Variants in MYO19 observed in about 807,000 individuals in gnomAD.
MYO19 encodes myosin XIX, also known as unconventional myosin-XIX.
In MYO19, 132 loss-of-function variants were observed where a neutral mutation model predicts 129.2. The ratio of observed to expected loss-of-function variants is 1.02; its 90% CI spans 0.89 to 1.18. The LOEUF (loss-of-function observed/expected upper bound fraction) is 1.18, where lower values mean the gene tolerates loss of function less well. Ranked by LOEUF, MYO19 falls within the 50% of genes most tolerant of loss-of-function variation. MYO19 has a pLI of 0.00. For synonymous variants in MYO19, 531 were observed against 477.2 expected (o/e 1.11, Z -1.47); for missense variants, 1,210 against 1,216.7 (o/e 0.99, Z 0.08).
chr17:36,513,322 G>A lies in MYO19; in HGVS notation c.894+107C>T, dbSNP rs536517326. On this transcript the variant is annotated intron_variant, in intron 11 of 25. Transcript: ENST00000614623. ...TGGAGGTAGCACAGAAGGGCCCAAA[G>A]TCCTAGATCCTCAGGGAAAGACCAA... is the stretch of plus-strand genomic sequence containing the variant. The A allele has an allele frequency of 7.5e-6, 12 of 1,597,954 alleles. No individual in the cohort carries two copies. The South Asian group carries it at 1.4e-4, about 18-fold the overall frequency.
At chr17:36,538,362 A>G, upstream of MYO19, 1 of 1,614,190 alleles carries the variant, frequency 6.2e-7, no homozygotes, top group South Asian at 1.1e-5. Flanking sequence ...TGTTACAAAT[A>G]AAAAGCATTC....
upstream of MYO19, chr17:36,538,195 C>A (rs1445739810): frequency 1.9e-6 from 3 of 1,613,368 alleles, no homozygotes; most frequent in Non-Finnish European, 2.5e-6. Context: ...GAAGCAGTAT[C>A]TCGAAGAATG....
chr17:36,538,141 C>T (rs766839187), upstream of MYO19: 18 of 1,614,086 alleles, frequency 1.1e-5, no homozygotes, highest in Non-Finnish European at 1.4e-5. Context: ...TTACTGGCAG[C>T]TATTAGCCTC....
chr17:36,509,615 A>G (rs1370348641), intron 13 of MYO19: 2 of 185,928 alleles, frequency 1.1e-5, no homozygotes, highest in East Asian at 1.4e-4. Flanking sequence ...GAGGTCAACA[A>G]TGGCATCCTC....
intron 8 of MYO19, 104 bp from the exon 9 acceptor site, chr17:36,514,652 C>T (rs770139658): frequency 1.6e-5 from 12 of 739,104 alleles, no homozygotes; most frequent in Non-Finnish European, 2.9e-5. Flanking sequence ...AACTCCCCGC[C>T]AAGCTCTTCC....
intron 11 of MYO19, 155 bp downstream of exon 11, chr17:36,513,274 C>G (rs1326589132): frequency 2.0e-6 from 3 of 1,497,392 alleles, no homozygotes; most frequent in Non-Finnish European, 2.7e-6. Flanking sequence ...CCAGACTCAG[C>G]AGAACAGAGG....
chr17:36,543,650 G>A (rs1003488284), upstream of MYO19, among the ~76,000 whole-genome samples: 7 of 151,836 alleles, frequency 4.6e-5, no homozygotes, highest in Admixed American at 2.0e-4. Context: ...TTGAGATGGA[G>A]TTTCGCTCTT....
At chr17:36,538,052 G>T (rs756600566), upstream of MYO19, 7 of 1,614,006 alleles carry the variant, frequency 4.3e-6, no homozygotes, top group Non-Finnish European at 5.9e-6. Context: ...CAATACACAT[G>T]GCTGGTGTGC....
intron 3 of MYO19, 122 bp from the exon 4 acceptor site, chr17:36,528,324 C>A (rs138891137): frequency 3.0e-6 from 3 of 1,000,696 alleles, no homozygotes; most frequent in African/African-American, 3.2e-5. Context: ...CTGGTTAACA[C>A]GGTGAAACCC....
At chr17:36,530,496 G>A (rs1298079364) in intron 3 of MYO19, among the ~76,000 whole-genome samples, 2 of 127,898 alleles carry the variant, frequency 1.6e-5, no homozygotes, top group East Asian at 2.5e-4. Context: ...TCGCTCTGTC[G>A]CCCAGGCTGG....
Position 36,505,388 on chromosome 17 carries a change from A to C in MYO19, c.1814T>G (p.Leu605Arg), listed in dbSNP as rs1460842992. The C allele has an allele frequency of 2.7e-5, 43 of 1,614,040 alleles. No individual in the cohort carries two copies. Among genetic ancestry groups the C allele is most frequent in the Non-Finnish European group, 3.5e-5 (41 of 1,180,016 alleles). ...VSKFKASLEQ[L>R]LQVLHSTTPH... ...CGTGGTGCTGTGTAGGACCTGCAGA[A>C]GCTGCTCCAGTGAGGCCTGCAGATG... Residue 605 changes from leucine (L) to arginine (R), a missense_variant, in exon 19 of 26, where the codon CTT (leucine) becomes CGT (arginine). Coordinates refer to ENST00000614623, the MANE Select transcript of MYO19 (RefSeq NM_001163735.2).
upstream of MYO19, chr17:36,535,687 T>G (rs964896302): frequency 1.3e-5 from 2 of 152,352 alleles, no homozygotes; most frequent in African/African-American, 4.8e-5. Context: ...AGACGGAGTC[T>G]CGCTCTGTCG....
At chr17:36,499,243 G>A in intron 23 of MYO19, 83 bp from the exon 24 acceptor site, 1 of 933,620 alleles carries the variant, frequency 1.1e-6, no homozygotes, top group Middle Eastern at 2.2e-4. Context: ...CAGCACCACA[G>A]TTGCTGTCAA....
At chr17:36,512,848 G>A in intron 11 of MYO19, 1 of 1,223,682 alleles carries the variant, frequency 8.2e-7, no homozygotes, top group Non-Finnish European at 1.0e-6. Context: ...GGCCCCCCTA[G>A]TGTGACTGAG....
rs2071494908 is a variant in MYO19, at chr17:36,501,129, A to G, written c.2187T>C (p.Ala729=). 1 of 1,614,066 alleles carries G rather than the reference A, an allele frequency of 6.2e-7. No individual in the cohort carries two copies. Among genetic ancestry groups the G allele is most frequent in the Non-Finnish European group, 8.5e-7 (1 of 1,179,898 alleles). ...AGTGCATGGGGGCTGGCATGGCCTC[A>G]GCCGAGTCACCAGTTATGGCTGCTG... ...TQAAAITGDS[A]EAMPAPMHCG... Residue 729 remains alanine (A), a synonymous_variant, in exon 22 of 26, where the codon GCT becomes GCC. Coordinates refer to ENST00000614623, the MANE Select transcript of MYO19 (RefSeq NM_001163735.2).
chr17:36,533,204 T>C (rs1228987902), intron 2 of MYO19: 2 of 152,884 alleles, frequency 1.3e-5, no homozygotes, highest in African/African-American at 4.8e-5. Flanking sequence ...GGAGTGGTTG[T>C]GAAGGTCAAT....
chr17:36,513,777 G>T, intron 9 of MYO19, 52 bp from the exon 10 acceptor site: 8 of 1,480,438 alleles, frequency 5.4e-6, no homozygotes, highest in Non-Finnish European at 7.5e-6. Flanking sequence ...GAAAAGCCCA[G>T]GCCTGCATAG....
chr17:36,535,514 C>A (rs1247189531), upstream of MYO19: 1 of 152,246 alleles, frequency 6.6e-6, no homozygotes, highest in Non-Finnish European at 1.5e-5. Context: ...CTGGTTCCCG[C>A]GTGGTTTGGC....
At chr17:36,536,095 A>C (rs1398989992), upstream of MYO19, among the ~76,000 whole-genome samples, 1 of 152,164 alleles carries the variant, frequency 6.6e-6, no homozygotes, top group Non-Finnish European at 1.5e-5. Context: ...TTTTTCAGAC[A>C]ATGATGTGTG....
Sources: allele counts gnomAD v4.1 joint callset (sites outside exome capture counted in the v4.1 genomes callset), GRCh38; gene constraint gnomAD v4.1.1; transcripts MANE v1.5; gene names NCBI Gene and HGNC (gene_info 2026-07-23, HGNC 2026-07-21).